AP1S3: variants seen among roughly 807,000 people sequenced by gnomAD.
AP1S3 encodes adaptor related protein complex 1 subunit sigma 3, also known as AP-1 complex subunit sigma-3.
A neutral mutation model predicts 20.9 loss-of-function variants in AP1S3; 10 were observed. The ratio of observed to expected loss-of-function variants is 0.48; its 90% confidence interval spans 0.29 to 0.81. The LOEUF is 0.81. Among genes scored for constraint, AP1S3 ranks in the 30% least tolerant of loss-of-function variants. The probability of loss-of-function intolerance (pLI) is 0.08; values close to 1 mark genes in which losing one functional copy is unlikely to be tolerated. For missense variants in AP1S3, 154 were observed against 183.8 expected (o/e 0.84, Z 0.94); for synonymous variants, 41 against 61.5 (o/e 0.67, Z 1.56).
At chr2:223,817,848 C>A (rs1281185580) in intron 1 of AP1S3, among the ~76,000 whole-genome samples, 1 of 151,772 alleles carries the variant, frequency 6.6e-6, no homozygotes, top group Non-Finnish European at 1.5e-5. Flanking sequence ...TCCCAGGAGA[C>A]CTTTTTCCAA....
At chr2:223,792,304 T>C (rs969012380) in intron 1 of AP1S3, among the ~76,000 whole-genome samples, 1 of 152,126 alleles carries the variant, frequency 6.6e-6, no homozygotes, top group African/African-American at 2.4e-5. Context: ...AAGGCTATAA[T>C]AACCAAAACA....
chr2:223,813,766 G>A (rs1046526776), intron 1 of AP1S3, among the ~76,000 whole-genome samples: 7 of 152,190 alleles, frequency 4.6e-5, no homozygotes, highest in Non-Finnish European at 2.9e-5. Flanking sequence ...AGTTCCTTGA[G>A]TGAAAGAGGT....
At chr2:223,796,647 G>A (rs2106107442) in intron 1 of AP1S3, among the ~76,000 whole-genome samples, 1 of 152,078 alleles carries the variant, frequency 6.6e-6, no homozygotes. Flanking sequence ...TCACTTATGG[G>A]TGTGTATTCT....
chr2:223,797,486 C>T (rs1387406799), intron 1 of AP1S3, among the ~76,000 whole-genome samples: 1 of 152,086 alleles, frequency 6.6e-6, no homozygotes, highest in African/African-American at 2.4e-5. Flanking sequence ...CTTGTTCAGG[C>T]TGACACAGCT....
At chr2:223,790,883 A>C (rs1691202071) in intron 1 of AP1S3, among the ~76,000 whole-genome samples, 2 of 152,280 alleles carry the variant, frequency 1.3e-5, no homozygotes, top group South Asian at 4.1e-4. Context: ...CAGAGAATAC[A>C]AAAACACCTC....
chr2:223,822,135 A>G (rs1028578371), intron 1 of AP1S3, among the ~76,000 whole-genome samples: 1 of 152,144 alleles, frequency 6.6e-6, no homozygotes, highest in South Asian at 2.1e-4. Flanking sequence ...CACGCCTATA[A>G]TCCCAGCACT....
chr2:223,792,794 TGA>T (rs1332513919), intron 1 of AP1S3, among the ~76,000 whole-genome samples: 1 of 152,050 alleles, frequency 6.6e-6, no homozygotes, highest in Non-Finnish European at 1.5e-5. Flanking sequence ...TCCTACAGAA[TGA>T]GAGAAAATTT....
At chr2:223,808,113 T>C (rs1207843275) in intron 1 of AP1S3, among the ~76,000 whole-genome samples, 1 of 151,996 alleles carries the variant, frequency 6.6e-6, no homozygotes, top group Non-Finnish European at 1.5e-5. Flanking sequence ...TGTCAGGTAT[T>C]TCTTTATAGC....
chr2:223,769,862 A>G (rs913998436), intron 3 of AP1S3, among the ~76,000 whole-genome samples: 3 of 145,720 alleles, frequency 2.1e-5, no homozygotes, highest in African/African-American at 7.7e-5. Context: ...CTCCTGCCTC[A>G]GCCTCCCGAG....
At chr2:223,811,168 C>T (rs1338227258) in intron 1 of AP1S3, among the ~76,000 whole-genome samples, 2 of 151,724 alleles carry the variant, frequency 1.3e-5, no homozygotes, top group Admixed American at 6.6e-5. Flanking sequence ...TCTTGGCTCA[C>T]TGCAACCTCT....
At position 223,770,118 on chromosome 2, in the gene AP1S3, A is replaced by T. The variant is rs1690579639; in HGVS notation, c.292-4768T>A. ...ATGCATCATTTTTGCAGTTTTAAAC[A>T]ATAGAAAGAAACAAAAAGAAATCAC... On this transcript the variant is annotated intron_variant, in intron 3 of 4. Transcript: ENST00000396654. 7 of 1,507,628 alleles carry T rather than the reference A, an allele frequency of 4.6e-6. No individual in the cohort carries two copies. The East Asian group carries it at 1.7e-4, about 37-fold the overall frequency. The allele number at this position is 1,507,628 out of a possible 1,614,324, so 93.4% of individuals were successfully genotyped here.
intron 1 of AP1S3, among the ~76,000 whole-genome samples, chr2:223,817,521 T>C (rs1271925327): frequency 6.7e-6 from 1 of 150,212 alleles, no homozygotes; most frequent in Non-Finnish European, 1.5e-5. Context: ...GGCAGGAGAA[T>C]TGCTTGAACC....
At chr2:223,763,724 G>C (rs1473623958) in intron 4 of AP1S3, among the ~76,000 whole-genome samples, 1 of 152,070 alleles carries the variant, frequency 6.6e-6, no homozygotes, top group African/African-American at 2.4e-5. Context: ...AGCTGCTTAC[G>C]GCACCCACTC....
At chr2:223,774,372 T>TA (rs1488143288) in intron 3 of AP1S3, among the ~76,000 whole-genome samples, 1 of 145,532 alleles carries the variant, frequency 6.9e-6, no homozygotes, top group South Asian at 2.2e-4. Context: ...TCTCAATAAA[T>TA]AATAAATAAA....
At chr2:223,822,023 G>A (rs1026860199) in intron 1 of AP1S3, among the ~76,000 whole-genome samples, 3 of 152,028 alleles carry the variant, frequency 2.0e-5, no homozygotes, top group South Asian at 2.1e-4. Context: ...TCCCCTCATC[G>A]TCCAGTCCAG....
intron 1 of AP1S3, among the ~76,000 whole-genome samples, chr2:223,809,802 C>A (rs1432794056): frequency 6.6e-6 from 1 of 150,382 alleles, no homozygotes; most frequent in Non-Finnish European, 1.5e-5. Flanking sequence ...GATCTCAGTT[C>A]ACTGTAACCT....
rs576913207 is a variant in AP1S3 at position 223,757,878 on chromosome 2, G to A, written c.*837C>T. 4.0e-5 allele frequency: 39 copies of A among 984,372 alleles called. No homozygotes were observed. The highest frequency in any genetic ancestry group is 6.1e-5 in the Admixed American group (1 of 16,270). The allele number at this position is 984,372 out of a possible 1,614,324, so 61.0% of individuals were successfully genotyped here. A position where few individuals can be genotyped will look rare whatever the true frequency, so the allele number is the denominator to read the frequency against. ...TCCAGCATCTAAGAGTGCTTGGAAC[G>A]TGAATTTTAAAAAATAGTAGCAATA... is the stretch of plus-strand genomic sequence containing the variant. On this transcript the variant is annotated 3_prime_UTR_variant, in exon 5 of 5. Coordinates refer to ENST00000396654, the MANE Select transcript of AP1S3 (RefSeq NM_001039569.2).
At chr2:223,815,865 T>G (rs2106121679) in intron 1 of AP1S3, among the ~76,000 whole-genome samples, 1 of 152,312 alleles carries the variant, frequency 6.6e-6, no homozygotes, top group East Asian at 1.9e-4. Flanking sequence ...ATACTAGCAC[T>G]ACGGGAGGCT....
chr2:223,765,475 AT>A, intron 3 of AP1S3, 125 bp from the exon 4 acceptor site: 1 of 996,664 alleles, frequency 1.0e-6, no homozygotes, highest in Non-Finnish European at 1.4e-6. Context: ...ATCAGATGGC[AT>A]TTTAAGGACA....
Sources: gnomAD v4.1 joint callset for allele counts (sites outside exome capture counted in the v4.1 genomes callset) on GRCh38, gnomAD v4.1.1 for gene constraint, MANE v1.5 for transcripts, NCBI Gene and HGNC (gene_info 2026-07-23, HGNC 2026-07-21) for gene names.